Variants in DHX35 observed in about 807,000 individuals in gnomAD.
DHX35 encodes probable ATP-dependent RNA helicase DHX35.
In DHX35, 84 loss-of-function variants were observed where a neutral mutation model predicts 99.6. The ratio of observed to expected loss-of-function variants is 0.84; its 90% CI spans 0.71 to 1.01. The LOEUF (loss-of-function observed/expected upper bound fraction) is 1.01, where lower values mean the gene tolerates loss of function less well. DHX35 is among the 50% of genes least tolerant of loss of function. DHX35 has a pLI of 0.00. For missense variants in DHX35, 852 were observed against 888.5 expected (o/e 0.96, Z 0.52); for synonymous variants, 331 against 316.2 (o/e 1.05, Z -0.50).
In DHX35 at chr20:39,025,123, T is replaced by C. The variant is rs75878634; in HGVS notation, c.1672-107T>C. ...GGCCAGTTCCCATCTTTAGATCTTA[T>C]GCCGTTGAACAGCACATGGGGGAAG... On this transcript the variant is annotated intron_variant, in intron 17 of 21. Transcript: ENST00000252011. The C allele has an allele frequency of 3.3e-3, 4,357 of 1,310,746 alleles. 83 individuals carry two copies. In the African/African-American group the frequency reaches 0.045, roughly 14 times the overall value. 81.2% of individuals were successfully genotyped at this position (1,310,746 alleles called of 1,614,324 possible). A position where few individuals can be genotyped will look rare whatever the true frequency, so the allele number is the denominator to read the frequency against.
chr20:38,982,759 T>A (rs527691967), intron 3 of DHX35, among the ~76,000 whole-genome samples: 1 of 152,308 alleles, frequency 6.6e-6, no homozygotes, highest in Admixed American at 6.5e-5. Flanking sequence ...TTTTAAAATC[T>A]TTTTTCTATT....
intron 21 of DHX35, 126 bp from the exon 22 acceptor site, chr20:39,038,373 C>A: frequency 9.3e-7 from 1 of 1,078,514 alleles, no homozygotes; most frequent in Non-Finnish European, 1.4e-6. Flanking sequence ...ATGAACAGCT[C>A]AGCATTTACT....
chr20:39,004,345 G>A (rs995560415), intron 11 of DHX35, among the ~76,000 whole-genome samples: 3 of 152,252 alleles, frequency 2.0e-5, no homozygotes, highest in East Asian at 1.9e-4. Flanking sequence ...GATTACAGGC[G>A]TCAGCCACCG....
At position 39,002,765 on chromosome 20, in the gene DHX35, T is replaced by G; in HGVS notation, c.756-7T>G. ...TAGTGATGAATTCATCCCATTTGTC[T>G]TTTCAGTCCTGTTCCAGATTATATC... On this transcript the variant is annotated splice_region_variant and splice_polypyrimidine_tract_variant and intron_variant, in intron 9 of 21. Coordinates refer to ENST00000252011, the MANE Select transcript of DHX35 (RefSeq NM_021931.4). 6.2e-7 allele frequency: 1 copy of G among 1,612,272 alleles called. No individual in the cohort carries two copies. Among genetic ancestry groups the G allele is most frequent in the Non-Finnish European group, 8.5e-7 (1 of 1,178,706 alleles).
intron 12 of DHX35, among the ~76,000 whole-genome samples, chr20:39,009,575 A>G (rs906409315): frequency 6.6e-6 from 1 of 151,646 alleles, no homozygotes; most frequent in Admixed American, 6.6e-5. Context: ...CTGAATATAC[A>G]TGAAAATGAG....
At chr20:38,988,596 C>T (rs1182412761) in intron 4 of DHX35, among the ~76,000 whole-genome samples, 3 of 152,030 alleles carry the variant, frequency 2.0e-5, no homozygotes, top group Non-Finnish European at 4.4e-5. Flanking sequence ...TGCCACTGCC[C>T]TCCAGCCTGG....
At position 39,002,418 on chromosome 20, in the gene DHX35, G is replaced by A. The variant is rs562899005; in HGVS notation, c.756-354G>A. Among the ~76,000 whole-genome samples the A allele has an allele frequency of 6.6e-5, 10 of 152,312 alleles. No individual in the cohort carries two copies. In the South Asian group the frequency reaches 2.1e-3, roughly 32 times the overall value. ...AGCCGACCCATAGATGCTGCTATTGGTTAGGAGGGAAAATGGGCTGGGAAG... is the reference window on the plus strand; with the variant it reads ...AGCCGACCCATAGATGCTGCTATTGATTAGGAGGGAAAATGGGCTGGGAAG... On this transcript the variant is annotated intron_variant, in intron 9 of 21. Coordinates refer to ENST00000252011, the MANE Select transcript of DHX35 (RefSeq NM_021931.4).
chr20:39,018,936 T>C, intron 15 of DHX35, 37 bp downstream of exon 15: 1 of 1,606,040 alleles, frequency 6.2e-7, no homozygotes, highest in Non-Finnish European at 8.5e-7. Context: ...GATTTTATTT[T>C]GACTGTCAGA....
chr20:38,976,939 T>G (rs1450599530), intron 3 of DHX35, among the ~76,000 whole-genome samples: 2 of 152,232 alleles, frequency 1.3e-5, no homozygotes, highest in Non-Finnish European at 2.9e-5. Context: ...AGGATTTCAT[T>G]CTTTTTTATG....
intron 1 of DHX35, among the ~76,000 whole-genome samples, chr20:38,963,254 T>TA (rs2085862437): frequency 6.6e-6 from 1 of 152,262 alleles, no homozygotes; most frequent in Admixed American, 6.5e-5. Flanking sequence ...GTTTTTAAAT[T>TA]ACAGCTACCA....
Position 39,038,580 on chromosome 20 carries a change from GTCC to G in DHX35, c.*40_*42del. The G allele has an allele frequency of 6.2e-7, 1 of 1,600,814 alleles. No individual in the cohort carries two copies. Among genetic ancestry groups the G allele is most frequent in the Non-Finnish European group, 8.5e-7 (1 of 1,176,324 alleles). ...AGCTACAGCTGCAGGGACTGCTGGC[GTCC>G]TCTCCTCCATGCTGCTGCCCCTGGT... On this transcript the variant is annotated 3_prime_UTR_variant, in exon 22 of 22. Transcript: ENST00000252011.
At chr20:39,022,482 A>G (rs2086889958) in intron 16 of DHX35, among the ~76,000 whole-genome samples, 1 of 152,168 alleles carries the variant, frequency 6.6e-6, no homozygotes, top group South Asian at 2.1e-4. Context: ...AGATGGAGGC[A>G]TAGAGAGGTT....
chr20:39,007,252 G>C (rs2086633517), intron 12 of DHX35, among the ~76,000 whole-genome samples: 1 of 152,204 alleles, frequency 6.6e-6, no homozygotes, highest in African/African-American at 2.4e-5. Flanking sequence ...TTTAGCAGAT[G>C]TTTGCAGAGC....
In DHX35 at chr20:38,962,387, C is replaced by A. The variant is rs1218440313; in HGVS notation, c.20C>A (p.Pro7Gln). 13 of 1,612,784 alleles carry A rather than the reference C, an allele frequency of 8.1e-6. No homozygotes were observed. Among genetic ancestry groups the A allele is most frequent in the Middle Eastern group, 1.6e-4 (1 of 6,084 alleles). The change falls in exon 1 of 22, where the codon CCG becomes CAG. Residue 7 changes from proline (P) to glutamine (Q), a missense_variant. By Grantham distance (76) the Pro-to-Gln change is moderately conservative (BLOSUM62 -1). Transcript: ENST00000252011. The part of the protein sequence containing the change: MAAPVG[P>Q]VKFWRPGTEG... The stretch of plus-strand genomic sequence containing the variant: ...CCCAACATGGCTGCGCCCGTGGGAC[C>A]GGTGAAGTTCTGGCGACCCGGTAAG...
intron 1 of DHX35, among the ~76,000 whole-genome samples, chr20:38,965,112 T>A (rs1468996786): frequency 2.0e-5 from 3 of 151,900 alleles, no homozygotes; most frequent in African/African-American, 7.3e-5. Context: ...TTTTTTAAAG[T>A]CTCTAAGGAA....
intron 20 of DHX35, among the ~76,000 whole-genome samples, chr20:39,032,183 T>C (rs1487998337): frequency 6.6e-6 from 1 of 152,234 alleles, no homozygotes; most frequent in Non-Finnish European, 1.5e-5. Context: ...TTTGAGACAG[T>C]GTCTCACTCT....
chr20:39,033,409 C>T (rs2087091811), intron 20 of DHX35, among the ~76,000 whole-genome samples: 1 of 152,164 alleles, frequency 6.6e-6, no homozygotes, highest in Non-Finnish European at 1.5e-5. Context: ...GGAAATAGAG[C>T]CAGCCTGAAG....
intron 3 of DHX35, among the ~76,000 whole-genome samples, chr20:38,973,710 C>T (rs904899640): frequency 4.6e-5 from 7 of 152,344 alleles, no homozygotes; most frequent in East Asian, 1.9e-4. Flanking sequence ...AGATGCAGCC[C>T]GCTGCCTGTT....
chr20:39,021,875 C>T lies in DHX35; in HGVS notation c.1533C>T (p.Ile511=), dbSNP rs534416816. Residue 511 remains isoleucine (I), a synonymous_variant, in exon 16 of 22, where the codon ATC becomes ATT. Transcript: ENST00000252011. The part of the protein sequence containing the change: ...NFGCSQEILS[I]AAMMQIQNIF... Reference sequence around the variant, plus strand: ...GCTGTTCTCAGGAAATTCTAAGCATCGCTGCCATGATGCAGATCCAGAATA... The same window carrying T: ...GCTGTTCTCAGGAAATTCTAAGCATTGCTGCCATGATGCAGATCCAGAATA... The T allele has an allele frequency of 1.5e-5, 25 of 1,614,156 alleles. 1 individual carries two copies. The highest frequency in any genetic ancestry group is 1.3e-4 in the Admixed American group (8 of 60,024).
Sources: allele counts gnomAD v4.1 joint callset (sites outside exome capture counted in the v4.1 genomes callset), GRCh38; gene constraint gnomAD v4.1.1; transcripts MANE v1.5; gene names NCBI Gene and HGNC (gene_info 2026-07-23, HGNC 2026-07-21).